Variants in SP3 observed in about 807,000 individuals in gnomAD.
SP3 encodes the protein transcription factor Sp3.
A neutral mutation model predicts 70.3 loss-of-function variants in SP3; 10 were observed. The ratio of observed to expected loss-of-function variants is 0.14; its 90% CI spans 0.09 to 0.24. The LOEUF is 0.24. SP3 is among the 10% of genes least tolerant of loss of function. The pLI, the probability that SP3 is intolerant of heterozygous loss-of-function variation, is 1.00. For synonymous variants in SP3, 402 were observed against 333.5 expected (o/e 1.21, Z -2.24); for missense variants, 825 against 914.6 (o/e 0.90, Z 1.26).
intron 3 of SP3, among the ~76,000 whole-genome samples, chr2:173,961,360 T>C (rs1691068786): frequency 6.6e-6 from 1 of 152,214 alleles, no homozygotes; most frequent in African/African-American, 2.4e-5. Flanking sequence ...AAGGCCCTTT[T>C]AATCTCAAAA....
At position 173,906,389 on chromosome 2, in the gene SP3, C is replaced by T. The variant is rs1689321851; in HGVS notation, c.*3552G>A. The T allele has an allele frequency of 6.6e-6, 1 of 152,002 alleles. No individual in the cohort carries two copies. The allele number at this position is 152,002 out of a possible 1,614,324, so 9.4% of individuals were successfully genotyped here. ...TTTCACAAAAATATCAAATTTGTACCAAAGATATCAATTAATTTGTTTTGT... is the reference window on the plus strand; with the variant it reads ...TTTCACAAAAATATCAAATTTGTACTAAAGATATCAATTAATTTGTTTTGT... On this transcript the variant is annotated 3_prime_UTR_variant, in exon 7 of 7. Transcript: ENST00000310015.
intron 5 of SP3, among the ~76,000 whole-genome samples, chr2:173,917,747 A>G (rs1220325614): frequency 6.6e-6 from 1 of 152,084 alleles, no homozygotes; most frequent in Non-Finnish European, 1.5e-5. Context: ...TCAAAGCTGC[A>G]CAAAAAAGGG....
At chr2:173,929,357 CCA>C (rs757100595) in intron 4 of SP3, among the ~76,000 whole-genome samples, 1 of 152,090 alleles carries the variant, frequency 6.6e-6, no homozygotes, top group Non-Finnish European at 1.5e-5. Context: ...AGAAGGTAAC[CCA>C]AATATCCCAT....
At chr2:173,954,064 T>C (rs1690802116) in intron 4 of SP3, among the ~76,000 whole-genome samples, 1 of 152,196 alleles carries the variant, frequency 6.6e-6, no homozygotes, top group Non-Finnish European at 1.5e-5. Context: ...AGAATGTTAG[T>C]AGTACAATCT....
intron 4 of SP3, among the ~76,000 whole-genome samples, chr2:173,923,044 TTTGA>T (rs1689802975): frequency 6.6e-6 from 1 of 152,198 alleles, no homozygotes; most frequent in African/African-American, 2.4e-5. Context: ...CTGACTTAAA[TTTGA>T]TTAATATTTG....
rs1689317709 is a variant in SP3, at chr2:173,906,283, ATT to A, written c.*3656_*3657del. ...CTTTGTTTCTGCCACTAATATATAT[ATT>A]TACATTATACGCAAATCTGTCTGAA... On this transcript the variant is annotated 3_prime_UTR_variant, in exon 7 of 7. Transcript: ENST00000310015. Among the ~76,000 whole-genome samples the A allele has an allele frequency of 6.6e-6, 1 of 152,120 alleles. No individual in the cohort carries two copies. The highest frequency in any genetic ancestry group is 2.1e-4 in the South Asian group (1 of 4,830).
At position 173,929,036 on chromosome 2, in the gene SP3, T is replaced by C. The variant is rs1481067435; in HGVS notation, c.1640-10251A>G. Among the ~76,000 whole-genome samples the C allele has an allele frequency of 2.6e-5, 4 of 152,132 alleles. No homozygotes were observed. The South Asian group carries it at 8.3e-4, about 31-fold the overall frequency. On this transcript the variant is annotated intron_variant, in intron 4 of 6. Coordinates refer to ENST00000310015, the MANE Select transcript of SP3 (RefSeq NM_003111.5). ...ATTTCAAATGTCCAATTCAGGTTGG[T>C]AAGGGAGATGTGATCATGACAGTGC... is the stretch of plus-strand genomic sequence containing the variant.
chr2:173,905,688 A>AC lies in SP3; in HGVS notation c.*4252dup. ...AAAAGCCAACATGGGAAAAAAAAAA[A>AC]CCTTGTATACCCTTTAGACTCCAGA... On this transcript the variant is annotated 3_prime_UTR_variant, in exon 7 of 7. Transcript: ENST00000310015. 6.6e-6 allele frequency among the ~76,000 whole-genome samples: 1 copy of AC among 152,178 alleles called. No homozygotes were observed.
intron 4 of SP3, among the ~76,000 whole-genome samples, chr2:173,949,984 C>T (rs990001210): frequency 1.3e-5 from 2 of 152,136 alleles, no homozygotes; most frequent in African/African-American, 4.8e-5. Flanking sequence ...CATAAATTCA[C>T]ACTTTGCCTC....
chr2:173,907,617 AC>A lies in SP3; in HGVS notation c.*2323del, dbSNP rs1294954535. The A allele has an allele frequency of 1.3e-5, 2 of 152,158 alleles. No individual in the cohort carries two copies. Among genetic ancestry groups the A allele is most frequent in the African/African-American group, 2.4e-5 (1 of 41,464 alleles). 9.4% of individuals were successfully genotyped at this position (152,158 alleles called of 1,614,324 possible). A position where few individuals can be genotyped will look rare whatever the true frequency, so the allele number is the denominator to read the frequency against. ...TCGATTCAAAGTACACCATAAACTT[AC>A]TGTAAAAATCCAGTATTACTTAAAA... On this transcript the variant is annotated 3_prime_UTR_variant, in exon 7 of 7. Coordinates refer to ENST00000310015, the MANE Select transcript of SP3 (RefSeq NM_003111.5).
rs1689223975 is a variant in SP3, at chr2:173,903,399, A to T, written c.*6542T>A. Among the ~76,000 whole-genome samples, 2 of 152,218 alleles carry T rather than the reference A, an allele frequency of 1.3e-5. No individual in the cohort carries two copies. Among genetic ancestry groups the T allele is most frequent in the Non-Finnish European group, 2.9e-5 (2 of 68,044 alleles). ...GCAGAACTGGGAGACAAGCAAGCCC[A>T]TGTGTGTCTAAGTCCCAAACCTATG... On this transcript the variant is annotated 3_prime_UTR_variant, in exon 7 of 7. Coordinates refer to ENST00000310015, the MANE Select transcript of SP3 (RefSeq NM_003111.5).
At chr2:173,965,562 T>C (rs1160931002), upstream of SP3, 1 of 220,204 alleles carries the variant, frequency 4.5e-6, no homozygotes, top group African/African-American at 2.4e-5. Flanking sequence ...CGGCTACGGC[T>C]CGCCGGTTAC....
At chr2:173,918,435 A>T (rs548305152) in intron 5 of SP3, among the ~76,000 whole-genome samples, 158 bp downstream of exon 5, 29 of 152,164 alleles carry the variant, frequency 1.9e-4, no homozygotes, top group African/African-American at 7.0e-4. Flanking sequence ...ATCCAATTCC[A>T]TATATTTTGT....
intron 4 of SP3, among the ~76,000 whole-genome samples, chr2:173,924,866 TAAAG>T (rs1433553220): frequency 5.9e-5 from 9 of 152,356 alleles, no homozygotes; most frequent in South Asian, 4.1e-4. Context: ...CTAGGAAAGA[TAAAG>T]AAACTTTAGT....
intron 4 of SP3, among the ~76,000 whole-genome samples, chr2:173,946,629 C>T (rs951032840): frequency 6.6e-6 from 1 of 151,892 alleles, no homozygotes; most frequent in Admixed American, 6.6e-5. Context: ...TAATTGCCCA[C>T]TGAATTCTGG....
intron 6 of SP3, among the ~76,000 whole-genome samples, chr2:173,911,713 CA>C (rs940106603): frequency 1.3e-5 from 2 of 151,440 alleles, no homozygotes; most frequent in Non-Finnish European, 2.9e-5. Flanking sequence ...ACAGGGCCAT[CA>C]TAAGATCTAT....
At chr2:173,964,574 G>A (rs1196947031) in intron 1 of SP3, 21 bp from the exon 2 acceptor site, 7 of 676,266 alleles carry the variant, frequency 1.0e-5, no homozygotes, top group Admixed American at 8.4e-5. Flanking sequence ...AGCGCGGGGG[G>A]GTGGGGGTGG....
intron 4 of SP3, among the ~76,000 whole-genome samples, chr2:173,933,764 T>C (rs1020672310): frequency 1.3e-5 from 2 of 150,826 alleles, no homozygotes; most frequent in African/African-American, 4.9e-5. Flanking sequence ...TGCTCTGATA[T>C]AACCCTGCTT....
rs1689179827 is a variant in SP3 at position 173,900,921 on chromosome 2, C to CAA, written c.*9019_*9020insTT. On this transcript the variant is annotated 3_prime_UTR_variant, in exon 7 of 7. Coordinates refer to ENST00000310015, the MANE Select transcript of SP3 (RefSeq NM_003111.5). ...GTAATTCTAATAAAAAACCTTAACCCGATTGTTTAATTCTACATAATCATT... is the reference window on the plus strand; with the variant it reads ...GTAATTCTAATAAAAAACCTTAACCCAAGATTGTTTAATTCTACATAATCATT... 2.6e-5 allele frequency among the ~76,000 whole-genome samples: 4 copies of CAA among 152,210 alleles called. No individual in the cohort carries two copies. The highest frequency in any genetic ancestry group is 2.1e-4 in the South Asian group (1 of 4,816).
Sources: gnomAD v4.1 joint callset for allele counts (sites outside exome capture counted in the v4.1 genomes callset) on GRCh38, gnomAD v4.1.1 for gene constraint, MANE v1.5 for transcripts, NCBI Gene and HGNC (gene_info 2026-07-23, HGNC 2026-07-21) for gene names.